Variants in TMEM178B observed in about 807,000 individuals in gnomAD.
The protein encoded by TMEM178B is transmembrane protein 178B.
In TMEM178B, 5 loss-of-function variants were observed where a neutral mutation model predicts 31.0. The observed-to-expected ratio is 0.16, with a 90% CI of 0.08 to 0.34. The LOEUF is 0.34. Ranked by LOEUF, TMEM178B falls within the 10% of genes least tolerant of loss-of-function variation. The probability of loss-of-function intolerance (pLI) is 1.00; values close to 1 mark genes in which losing one functional copy is unlikely to be tolerated. For missense variants in TMEM178B, 275 were observed against 400.3 expected (o/e 0.69, Z 2.67); for synonymous variants, 164 against 164.0 (o/e 1.00, Z 0.00).
chr7:141,203,916 A>C (rs7784487), intron 1 of TMEM178B, among the ~76,000 whole-genome samples: 99,678 of 151,992 alleles, frequency 0.66, 33,083 homozygotes, highest in Middle Eastern at 0.7. Flanking sequence ...TCCTGGACTA[A>C]TAGAGTCTAT....
At chr7:141,245,458 A>G (rs1797714973) in intron 2 of TMEM178B, among the ~76,000 whole-genome samples, 1 of 152,302 alleles carries the variant, frequency 6.6e-6, no homozygotes, top group South Asian at 2.1e-4. Context: ...AACTCTTGCT[A>G]TAGAGGTTAA....
intron 2 of TMEM178B, among the ~76,000 whole-genome samples, chr7:141,349,231 A>C (rs1563158825): frequency 6.6e-6 from 1 of 152,112 alleles, no homozygotes. Context: ...ATTTATTTGT[A>C]CTGATATTTC....
chr7:141,223,793 G>T (rs1053194129), intron 2 of TMEM178B, among the ~76,000 whole-genome samples: 3 of 152,126 alleles, frequency 2.0e-5, no homozygotes, highest in Non-Finnish European at 4.4e-5. Context: ...CCATCCAATA[G>T]AACTCCCTGT....
intron 2 of TMEM178B, among the ~76,000 whole-genome samples, chr7:141,235,303 T>G (rs1233985578): frequency 6.6e-6 from 1 of 152,212 alleles, no homozygotes; most frequent in Non-Finnish European, 1.5e-5. Context: ...GAATCATTTC[T>G]GTGCCTGTGT....
intron 2 of TMEM178B, among the ~76,000 whole-genome samples, chr7:141,238,152 G>A (rs1797559606): frequency 2.0e-5 from 3 of 152,094 alleles, no homozygotes; most frequent in South Asian, 4.2e-4. Flanking sequence ...ATGCTCAGGA[G>A]CTGCGTTAAG....
chr7:141,160,483 C>T (rs1291328073), intron 1 of TMEM178B, among the ~76,000 whole-genome samples: 1 of 152,176 alleles, frequency 6.6e-6, no homozygotes, highest in Non-Finnish European at 1.5e-5. Context: ...CACATCCCCA[C>T]CTATCTTGGC....
At chr7:141,496,773 CA>C in the TMEM178B span, among the ~76,000 whole-genome samples, 4 of 149,906 alleles carry the variant, frequency 2.7e-5, no homozygotes, top group African/African-American at 7.4e-5. Flanking sequence ...GGAATTACTG[CA>C]AAAAAAATGG....
chr7:141,360,046 T>A (rs1799891598), intron 2 of TMEM178B, among the ~76,000 whole-genome samples: 2 of 152,132 alleles, frequency 1.3e-5, no homozygotes, highest in South Asian at 4.1e-4. Flanking sequence ...CCACAACACA[T>A]GGGAATTATG....
At chr7:141,118,140 A>C (rs1029787974) in intron 1 of TMEM178B, among the ~76,000 whole-genome samples, 4 of 152,124 alleles carry the variant, frequency 2.6e-5, no homozygotes, top group African/African-American at 9.7e-5. Context: ...AGCACTGCAG[A>C]TGTTTCTGTC....
chr7:141,269,051 C>G (rs1798138392), intron 2 of TMEM178B, among the ~76,000 whole-genome samples: 1 of 151,654 alleles, frequency 6.6e-6, no homozygotes, highest in African/African-American at 2.4e-5. Context: ...CCTTACAGTC[C>G]TAATTTGGCT....
At position 141,471,564 on chromosome 7, in the gene TMEM178B, G is replaced by C. The variant is rs887681756; in HGVS notation, c.*778G>C. The C allele has an allele frequency of 6.6e-6, 1 of 152,438 alleles. No individual in the cohort carries two copies. The highest frequency in any genetic ancestry group is 2.4e-5 in the African/African-American group (1 of 41,464). The allele number at this position is 152,438 out of a possible 1,614,324, so 9.4% of individuals were successfully genotyped here. ...GCCTTGGAGTCATGCTGTGATGTGT[G>C]TGTGTGGGTGTGCGTGCATGTGTAC... On this transcript the variant is annotated 3_prime_UTR_variant, in exon 4 of 4. Coordinates refer to ENST00000565468, the MANE Select transcript of TMEM178B (RefSeq NM_001195278.2). This position sits in a 1 kb window ranked among gnomAD's most constrained non-coding sequence, Gnocchi z 4.1.
rs1222709564 is a variant in TMEM178B at position 141,332,975 on chromosome 7, G to T, written c.497-104633G>T. Reference sequence around the variant, plus strand: ...TTGCTCACACCAAGAGCGCTTAGCGGAAGAGTTGGCCCATCCATTTGGAAT... The same window carrying T: ...TTGCTCACACCAAGAGCGCTTAGCGTAAGAGTTGGCCCATCCATTTGGAAT... On this transcript the variant is annotated intron_variant, in intron 2 of 3. Transcript: ENST00000565468. Among the ~76,000 whole-genome samples the T allele has an allele frequency of 2.0e-5, 3 of 152,212 alleles. No individual in the cohort carries two copies. In the East Asian group the frequency reaches 5.8e-4, roughly 29 times the overall value.
At chr7:141,303,384 A>G (rs570189723) in intron 2 of TMEM178B, among the ~76,000 whole-genome samples, 2 of 152,334 alleles carry the variant, frequency 1.3e-5, no homozygotes, top group African/African-American at 2.4e-5. Flanking sequence ...TTATACTCCA[A>G]TTAAGGGGAG....
chr7:141,269,822 T>A (rs1798153080), intron 2 of TMEM178B, among the ~76,000 whole-genome samples: 1 of 152,192 alleles, frequency 6.6e-6, no homozygotes, highest in Non-Finnish European at 1.5e-5. Flanking sequence ...CCCAGCACTT[T>A]GGGAGGCCAA....
intron 2 of TMEM178B, among the ~76,000 whole-genome samples, chr7:141,278,641 T>C (rs557227004): frequency 1.3e-5 from 2 of 152,094 alleles, no homozygotes; most frequent in African/African-American, 4.8e-5. Flanking sequence ...TTGAGGGGTA[T>C]GGTCAGGGAA....
intron 2 of TMEM178B, chr7:141,414,528 A>C (rs1325664701): frequency 3.3e-5 from 5 of 152,582 alleles, no homozygotes; most frequent in African/African-American, 1.2e-4. Context: ...TGCTTCTTAC[A>C]TAAAAGGATA....
intron 1 of TMEM178B, among the ~76,000 whole-genome samples, chr7:141,169,727 A>T (rs1238834055): frequency 6.6e-6 from 1 of 152,232 alleles, no homozygotes; most frequent in African/African-American, 2.4e-5. Context: ...GCTCACAGAG[A>T]TTATTGGAGC....
At chr7:141,102,647 G>A (rs1037193144) in intron 1 of TMEM178B, among the ~76,000 whole-genome samples, 1 of 152,212 alleles carries the variant, frequency 6.6e-6, no homozygotes, top group Non-Finnish European at 1.5e-5. Context: ...CACACCAACT[G>A]TCTCTGTTTA....
intron 2 of TMEM178B, among the ~76,000 whole-genome samples, chr7:141,291,103 G>A (rs1366281141): frequency 2.0e-5 from 3 of 152,152 alleles, no homozygotes; most frequent in Non-Finnish European, 2.9e-5. Context: ...ATAGAGTGAG[G>A]CCTCCAGGAG....
Sources: allele counts gnomAD v4.1 joint callset (sites outside exome capture counted in the v4.1 genomes callset), GRCh38; gene constraint gnomAD v4.1.1; non-coding constraint Gnocchi (gnomAD v3.1); transcripts MANE v1.5; gene names NCBI Gene and HGNC (gene_info 2026-07-23, HGNC 2026-07-21).